CPQ: variants seen among roughly 807,000 people sequenced by gnomAD.
The protein encoded by CPQ is Ser-Met dipeptidase.
Under a neutral mutation model 45.7 loss-of-function variants are expected in CPQ, and 37 were observed. The ratio of observed to expected loss-of-function variants is 0.81; its 90% CI spans 0.62 to 1.07. CPQ has a LOEUF of 1.07. Ranked by LOEUF, CPQ falls within the 50% of genes least tolerant of loss-of-function variation. CPQ has a pLI of 0.00. For synonymous variants in CPQ, 186 were observed against 205.8 expected, an observed-to-expected ratio of 0.90 and a Z score of 0.82; for missense variants, 537 against 572.9, an observed-to-expected ratio of 0.94 and a Z score of 0.64.
chr8:96,681,595 A>T (rs1216860913), intron 1 of CPQ, among the ~76,000 whole-genome samples: 2 of 152,230 alleles, frequency 1.3e-5, no homozygotes, highest in African/African-American at 4.8e-5. Context: ...GTGGAAAAAA[A>T]TGTGGGGTTG....
chr8:96,695,761 G>C (rs1459260421), intron 1 of CPQ, among the ~76,000 whole-genome samples: 1 of 151,296 alleles, frequency 6.6e-6, no homozygotes, highest in Non-Finnish European at 1.5e-5. Context: ...ACACCAGTTA[G>C]AATGGCGATC....
chr8:96,985,299 G>T (rs1252951063), intron 5 of CPQ, among the ~76,000 whole-genome samples: 1 of 151,224 alleles, frequency 6.6e-6, no homozygotes, highest in Non-Finnish European at 1.5e-5. Context: ...AATGTCATAA[G>T]CTATTATTGC....
chr8:97,061,417 G>T (rs1430879860), intron 6 of CPQ, among the ~76,000 whole-genome samples: 1 of 152,054 alleles, frequency 6.6e-6, no homozygotes, highest in Non-Finnish European at 1.5e-5. Context: ...TAAAAGTGAG[G>T]ACTTGTGGCC....
intron 7 of CPQ, among the ~76,000 whole-genome samples, chr8:97,073,470 T>C (rs988665801): frequency 3.9e-5 from 6 of 152,292 alleles, no homozygotes; most frequent in Middle Eastern, 6.8e-3. Flanking sequence ...GTGAAAACAC[T>C]GTACAGTGAT....
intron 7 of CPQ, among the ~76,000 whole-genome samples, chr8:97,082,376 C>T (rs1026310043): frequency 7.3e-5 from 11 of 150,252 alleles, no homozygotes; most frequent in African/African-American, 2.4e-4. Flanking sequence ...GTGACCCAGC[C>T]TGGCTCCATC....
At chr8:96,672,648 C>T (rs1045361560) in intron 1 of CPQ, among the ~76,000 whole-genome samples, 3 of 151,594 alleles carry the variant, frequency 2.0e-5, no homozygotes, top group Non-Finnish European at 2.9e-5. Flanking sequence ...CTTGGTGGTG[C>T]GTGCCTGTAA....
intron 6 of CPQ, among the ~76,000 whole-genome samples, chr8:97,033,352 A>G (rs1000834741): frequency 6.6e-6 from 1 of 152,196 alleles, no homozygotes; most frequent in South Asian, 2.1e-4. Context: ...AAGTTTTTTC[A>G]TATGTTTAGC....
At chr8:96,701,981 C>A (rs750862505) in intron 1 of CPQ, among the ~76,000 whole-genome samples, 5 of 152,196 alleles carry the variant, frequency 3.3e-5, no homozygotes, top group Non-Finnish European at 5.9e-5. Context: ...CCAGCTTTGG[C>A]ATTGTCAGTT....
chr8:96,969,130 G>A (rs1400054845), intron 5 of CPQ, among the ~76,000 whole-genome samples: 1 of 152,142 alleles, frequency 6.6e-6, no homozygotes, highest in African/African-American at 2.4e-5. Flanking sequence ...GAGTTTCCAG[G>A]TCTAAAGAAA....
At chr8:97,104,968 AAACT>A (rs1811379276) in intron 7 of CPQ, among the ~76,000 whole-genome samples, 1 of 152,222 alleles carries the variant, frequency 6.6e-6, no homozygotes, top group African/African-American at 2.4e-5. Context: ...CCTACATAAC[AAACT>A]ACCAATTTCA....
intron 5 of CPQ, among the ~76,000 whole-genome samples, chr8:96,994,955 G>A (rs892981527): frequency 2.0e-5 from 3 of 151,982 alleles, no homozygotes; most frequent in Non-Finnish European, 4.4e-5. Flanking sequence ...ACTTAGAGTC[G>A]AATCTAGTGA....
At position 96,883,088 on chromosome 8, in the gene CPQ, A is replaced by T. The variant is rs115188636; in HGVS notation, c.849+3083A>T. On this transcript the variant is annotated intron_variant, in intron 4 of 7. Transcript: ENST00000220763. Reference sequence around the variant, plus strand: ...AGCATAATGCTTTTGAGATGTATCCATGTTGTTGATTCAGTTGTTTCTTCC... The same window carrying T: ...AGCATAATGCTTTTGAGATGTATCCTTGTTGTTGATTCAGTTGTTTCTTCC... 1.7e-3 allele frequency among the ~76,000 whole-genome samples: 259 copies of T among 152,294 alleles called. 2 individuals are homozygous for T. Among genetic ancestry groups the T allele is most frequent in the African/African-American group, 6.2e-3 (257 of 41,568 alleles).
At chr8:97,033,237 A>G (rs1432425570) in intron 6 of CPQ, among the ~76,000 whole-genome samples, 2 of 152,186 alleles carry the variant, frequency 1.3e-5, no homozygotes, top group Admixed American at 6.5e-5. Flanking sequence ...TAACATTTTT[A>G]TGATACAGTT....
chr8:96,747,584 T>C (rs1366818493), intron 1 of CPQ, among the ~76,000 whole-genome samples: 2 of 152,220 alleles, frequency 1.3e-5, no homozygotes, highest in Non-Finnish European at 2.9e-5. Flanking sequence ...GTCAGAGATG[T>C]GTAGTGTAAA....
At chr8:96,949,670 G>C (rs909506540) in intron 4 of CPQ, among the ~76,000 whole-genome samples, 1 of 152,090 alleles carries the variant, frequency 6.6e-6, no homozygotes, top group Non-Finnish European at 1.5e-5. Flanking sequence ...TGTTGTAGTT[G>C]TAGTTTTGTT....
intron 4 of CPQ, among the ~76,000 whole-genome samples, chr8:96,934,587 A>AAGTT (rs1430355096): frequency 2.6e-5 from 4 of 152,120 alleles, no homozygotes; most frequent in African/African-American, 4.8e-5. Flanking sequence ...CAAGTCATTG[A>AAGTT]AGTTAGTCTG....
At chr8:96,778,460 C>G (rs1810644396) in intron 1 of CPQ, among the ~76,000 whole-genome samples, 1 of 152,074 alleles carries the variant, frequency 6.6e-6, no homozygotes, top group African/African-American at 2.4e-5. Flanking sequence ...TCAACTAACA[C>G]CTATTTATTG....
At chr8:96,816,661 TTGAAGGTTGAAA>T (rs1164506815) in intron 2 of CPQ, among the ~76,000 whole-genome samples, 31 of 152,234 alleles carry the variant, frequency 2.0e-4, no homozygotes, top group African/African-American at 5.8e-4. Context: ...ATAATAAGAC[TTGAAGGTTGAAA>T]TTGCTATTTG....
chr8:96,966,125 G>C, intron 5 of CPQ, 79 bp downstream of exon 5: 1 of 971,584 alleles, frequency 1.0e-6, no homozygotes, highest in Non-Finnish European at 1.6e-6. Flanking sequence ...ATACTTAACA[G>C]ATTAGTTACT....
Sources: gnomAD v4.1 joint callset for allele counts (sites outside exome capture counted in the v4.1 genomes callset) on GRCh38, gnomAD v4.1.1 for gene constraint, MANE v1.5 for transcripts, NCBI Gene and HGNC (gene_info 2026-07-23, HGNC 2026-07-21) for gene names.